Variants in GBF1 observed in about 807,000 individuals in gnomAD.
GBF1 encodes the protein Golgi-specific brefeldin A-resistance guanine nucleotide exchange factor 1.
A neutral mutation model predicts 210.5 loss-of-function variants in GBF1; 114 were observed. The ratio of observed to expected loss-of-function variants is 0.54; its 90% CI spans 0.47 to 0.63. The LOEUF (loss-of-function observed/expected upper bound fraction) is 0.63. Ranked by LOEUF, GBF1 falls within the 30% of genes least tolerant of loss-of-function variation. The pLI, the probability that GBF1 is intolerant of heterozygous loss-of-function variation, is 0.00. For synonymous variants in GBF1, 850 were observed against 889.2 expected, an observed-to-expected ratio of 0.96 and a Z score of 0.78; for missense variants, 1,851 against 2,357.7, an observed-to-expected ratio of 0.79 and a Z score of 4.45.
At chr10:102,368,523 C>A in intron 22 of GBF1, 69 bp downstream of exon 22, 1 of 961,824 alleles carries the variant, frequency 1.0e-6, no homozygotes, top group Non-Finnish European at 1.7e-6. Context: ...TTCTCCATGC[C>A]TCTCTGACTC....
At chr10:102,326,080 T>C (rs778844531) in intron 3 of GBF1, among the ~76,000 whole-genome samples, 1 of 152,120 alleles carries the variant, frequency 6.6e-6, no homozygotes, top group Non-Finnish European at 1.5e-5. Flanking sequence ...CATAACGGAG[T>C]AGTGGCAGCT....
chr10:102,375,332 C>T, intron 29 of GBF1, 27 bp from the exon 30 acceptor site: 1 of 1,384,060 alleles, frequency 7.2e-7, no homozygotes, highest in Non-Finnish European at 1.0e-6. Context: ...CCCCGCTTCC[C>T]CGCTCCCTGC....
intron 3 of GBF1, among the ~76,000 whole-genome samples, chr10:102,269,936 TGGCGCGATC>T (rs1282955817): frequency 2.6e-5 from 4 of 151,820 alleles, no homozygotes; most frequent in African/African-American, 9.7e-5. Context: ...TAGAGTGCAG[TGGCGCGATC>T]TCAGCTCACT....
At chr10:102,361,990 A>G in intron 14 of GBF1, 78 bp downstream of exon 14, 1 of 710,840 alleles carries the variant, frequency 1.4e-6, no homozygotes, top group Non-Finnish European at 2.2e-6. Context: ...AGGATGTTAC[A>G]TACAGAGAGG....
chr10:102,344,297 T>C, intron 4 of GBF1, 115 bp downstream of exon 4: 3 of 843,086 alleles, frequency 3.6e-6, no homozygotes, highest in Non-Finnish European at 5.8e-6. Flanking sequence ...CAGTCACCTC[T>C]TTTCTTGTAG....
At chr10:102,323,237 T>C (rs1169113178) in intron 3 of GBF1, among the ~76,000 whole-genome samples, 2 of 95,078 alleles carry the variant, frequency 2.1e-5, no homozygotes, top group South Asian at 2.8e-4. Flanking sequence ...ATCTCCAAAA[T>C]TGAAAAAAAA....
At chr10:102,276,840 C>T (rs1228210116) in intron 3 of GBF1, among the ~76,000 whole-genome samples, 22 of 152,038 alleles carry the variant, frequency 1.4e-4, no homozygotes, top group Admixed American at 1.4e-3. Context: ...TTCCTTTTTA[C>T]CTAATTGGTA....
intron 3 of GBF1, among the ~76,000 whole-genome samples, chr10:102,335,772 G>T (rs2057685869): frequency 6.6e-6 from 1 of 152,132 alleles, no homozygotes; most frequent in Non-Finnish European, 1.5e-5. Flanking sequence ...ACTTGGCATG[G>T]CGCAGGTAAT....
Position 102,369,696 on chromosome 10 carries a change from G to T in GBF1, c.3151-15G>T, listed in dbSNP as rs201658944. ...AGGACACATGGAAAGAAATTATTTTGACTTACTTTTCCAGGTAGAAGATTT... is the reference window on the plus strand; with the variant it reads ...AGGACACATGGAAAGAAATTATTTTTACTTACTTTTCCAGGTAGAAGATTT... On this transcript the variant is annotated splice_polypyrimidine_tract_variant and intron_variant, in intron 24 of 39. Coordinates refer to ENST00000369983, the MANE Select transcript of GBF1 (RefSeq NM_001377137.1). The T allele has an allele frequency of 2.2e-5, 36 of 1,611,688 alleles. No homozygotes were observed. In the East Asian group the frequency reaches 5.3e-4, roughly 24 times the overall value.
At chr10:102,378,999 AAAAG>A (rs2060677029) in intron 33 of GBF1, among the ~76,000 whole-genome samples, 1 of 152,232 alleles carries the variant, frequency 6.6e-6, no homozygotes, top group African/African-American at 2.4e-5. Flanking sequence ...AATAGAATTG[AAAAG>A]AAAGTATCTT....
In GBF1 at chr10:102,245,664, T is replaced by A. The variant is rs1172935272; in HGVS notation, c.-128T>A. On this transcript the variant is annotated 5_prime_UTR_variant, in exon 1 of 40. Transcript: ENST00000369983. Reference sequence around the variant, plus strand: ...TCCAGGAAACAGGCTCCTTCTCTTCTCCCATCTGCTACCAGAGCCGGGAGA... The same window carrying A: ...TCCAGGAAACAGGCTCCTTCTCTTCACCCATCTGCTACCAGAGCCGGGAGA... 6.6e-6 allele frequency: 1 copy of A among 152,216 alleles called. No homozygotes were observed. The highest frequency in any genetic ancestry group is 1.9e-4 in the East Asian group (1 of 5,190). 9.4% of individuals were successfully genotyped at this position (152,216 alleles called of 1,614,324 possible).
intron 17 of GBF1, among the ~76,000 whole-genome samples, 176 bp from the exon 18 acceptor site, chr10:102,365,221 T>C (rs2059845162): frequency 6.6e-6 from 1 of 152,198 alleles, no homozygotes. Flanking sequence ...CAATTAGACA[T>C]GAAGATGGGG....
intron 3 of GBF1, among the ~76,000 whole-genome samples, chr10:102,278,235 G>A (rs943761063): frequency 6.6e-6 from 1 of 152,042 alleles, no homozygotes; most frequent in Non-Finnish European, 1.5e-5. Context: ...TCCAGCCTGG[G>A]TGATTAAGAA....
At chr10:102,372,228 T>TACTC (rs2060252859) in intron 29 of GBF1, among the ~76,000 whole-genome samples, 1 of 148,554 alleles carries the variant, frequency 6.7e-6, no homozygotes, top group Non-Finnish European at 1.5e-5. Flanking sequence ...AAAAAAGACT[T>TACTC]ACTCTCGGCT....
chr10:102,281,990 G>A (rs1328155923), intron 3 of GBF1, among the ~76,000 whole-genome samples: 1 of 148,458 alleles, frequency 6.7e-6, no homozygotes, highest in African/African-American at 2.5e-5. Context: ...GCAGTGGCGC[G>A]ATCTTGGCTC....
At chr10:102,243,220 T>C (rs1374122663), upstream of GBF1, among the ~76,000 whole-genome samples, 2 of 152,228 alleles carry the variant, frequency 1.3e-5, no homozygotes, top group African/African-American at 4.8e-5. Flanking sequence ...AAGCCTTTTC[T>C]GAACTCTCAG....
At chr10:102,367,322 C>A in intron 20 of GBF1, 112 bp downstream of exon 20, 2 of 1,316,910 alleles carry the variant, frequency 1.5e-6, no homozygotes, top group South Asian at 1.2e-5. Context: ...CCAAGGGAAT[C>A]AGGAAGGGCT....
intron 29 of GBF1, among the ~76,000 whole-genome samples, chr10:102,371,392 GAAAACTAC>G (rs576465987): frequency 6.6e-6 from 1 of 152,142 alleles, no homozygotes; most frequent in South Asian, 2.1e-4. Context: ...TTTGTATGAT[GAAAACTAC>G]AAAACTACAA....
At chr10:102,231,784 T>C in the GBF1 span, 1 of 1,601,788 alleles carries the variant, frequency 6.2e-7, no homozygotes, top group Non-Finnish European at 8.5e-7. Flanking sequence ...CGAGGCCTTT[T>C]CTGAGTCTGG....
Sources: gnomAD v4.1 joint callset for allele counts (sites outside exome capture counted in the v4.1 genomes callset) on GRCh38, gnomAD v4.1.1 for gene constraint, MANE v1.5 for transcripts, NCBI Gene and HGNC (gene_info 2026-07-23, HGNC 2026-07-21) for gene names.